CSRNP3: variants seen among roughly 807,000 people sequenced by gnomAD.
The protein encoded by CSRNP3 is cysteine and serine rich nuclear protein 3.
A neutral mutation model predicts 48.0 loss-of-function variants in CSRNP3; 12 were observed. That is an observed-to-expected ratio of 0.25 (90% CI 0.16 to 0.41). CSRNP3 has a LOEUF of 0.41. CSRNP3 is among the 10% of genes least tolerant of loss of function. The probability of loss-of-function intolerance (pLI) is 1.00; values close to 1 mark genes in which losing one functional copy is unlikely to be tolerated. For synonymous variants in CSRNP3, 263 were observed against 269.7 expected (o/e 0.98, Z 0.24); for missense variants, 580 against 724.4 (o/e 0.80, Z 2.29).
At chr2:165,552,281 C>T (rs2105260857) in intron 3 of CSRNP3, among the ~76,000 whole-genome samples, 1 of 152,302 alleles carries the variant, frequency 6.6e-6, no homozygotes, top group East Asian at 1.9e-4. Flanking sequence ...AAAATAGTCT[C>T]AAGACAGGAT....
chr2:165,518,599 T>C (rs577878795), intron 3 of CSRNP3, among the ~76,000 whole-genome samples: 1 of 152,140 alleles, frequency 6.6e-6, no homozygotes, highest in East Asian at 1.9e-4. Flanking sequence ...ACAATATTCA[T>C]TTAGAAGTTA....
intron 4 of CSRNP3, among the ~76,000 whole-genome samples, chr2:165,634,682 C>T (rs904285691): frequency 4.6e-5 from 7 of 152,032 alleles, no homozygotes; most frequent in Non-Finnish European, 4.4e-5. Flanking sequence ...TAGGAAGTAC[C>T]CAGGCCCTGT....
At chr2:165,611,909 G>A (rs1262586814) in intron 4 of CSRNP3, among the ~76,000 whole-genome samples, 4 of 151,962 alleles carry the variant, frequency 2.6e-5, no homozygotes, top group Non-Finnish European at 5.9e-5. Flanking sequence ...TTCTCCATGG[G>A]TGTAGTTAAT....
chr2:165,562,023 GT>G (rs1338767595), intron 3 of CSRNP3, among the ~76,000 whole-genome samples: 1 of 152,140 alleles, frequency 6.6e-6, no homozygotes, highest in Non-Finnish European at 1.5e-5. Context: ...ATGCCCATGA[GT>G]TGACAGAAAG....
intron 5 of CSRNP3, among the ~76,000 whole-genome samples, chr2:165,659,280 G>C (rs542064060): frequency 1.3e-4 from 20 of 152,172 alleles, no homozygotes; most frequent in Non-Finnish European, 2.4e-4. Context: ...GGGAGTCGGA[G>C]AGAGATGAAT....
chr2:165,616,164 T>C (rs980904708), intron 4 of CSRNP3, among the ~76,000 whole-genome samples: 3 of 152,194 alleles, frequency 2.0e-5, no homozygotes, highest in African/African-American at 7.2e-5. Context: ...TTAAACTGTT[T>C]ACATTTAAGG....
intron 3 of CSRNP3, among the ~76,000 whole-genome samples, chr2:165,549,458 C>G (rs1458269697): frequency 6.6e-6 from 1 of 152,018 alleles, no homozygotes; most frequent in Non-Finnish European, 1.5e-5. Context: ...GTTTCTCCAG[C>G]ATAGAAAACA....
At chr2:165,608,619 A>C (rs1234922115) in intron 4 of CSRNP3, among the ~76,000 whole-genome samples, 1 of 152,180 alleles carries the variant, frequency 6.6e-6, no homozygotes, top group African/African-American at 2.4e-5. Flanking sequence ...TTAACAGAAT[A>C]TGCAGGCATA....
rs117735460 is a variant in CSRNP3, at chr2:165,668,685, C to T, written c.409-7627C>T. ...AAAGTGCTGGGGTTACAGGTGTCAG[C>T]CACCACGCCCAGCCCATATCCTTTA... On this transcript the variant is annotated intron_variant, in intron 5 of 6. Coordinates refer to ENST00000651982, the MANE Select transcript of CSRNP3 (RefSeq NM_001172173.2). Among the ~76,000 whole-genome samples, 100 of 152,246 alleles carry T rather than the reference C, an allele frequency of 6.6e-4. 2 individuals carry two copies. The East Asian group carries it at 0.018, about 28-fold the overall frequency.
intron 4 of CSRNP3, among the ~76,000 whole-genome samples, chr2:165,652,670 C>T (rs1257599420): frequency 3.3e-5 from 5 of 151,828 alleles, no homozygotes; most frequent in Non-Finnish European, 7.4e-5. Context: ...AGCCTCCCAA[C>T]TAGCTGGGGC....
chr2:165,565,140 T>C (rs954596471), intron 3 of CSRNP3, among the ~76,000 whole-genome samples: 8 of 151,568 alleles, frequency 5.3e-5, no homozygotes, highest in Middle Eastern at 3.2e-3. Flanking sequence ...CTACAAAGAG[T>C]AGTGGTTGCT....
chr2:165,642,359 T>G (rs955631912), intron 4 of CSRNP3, among the ~76,000 whole-genome samples: 1 of 152,184 alleles, frequency 6.6e-6, no homozygotes, highest in African/African-American at 2.4e-5. Context: ...CATTAAGCAT[T>G]CCTTAGGAAA....
intron 3 of CSRNP3, among the ~76,000 whole-genome samples, chr2:165,567,941 T>C (rs1261101204): frequency 6.6e-6 from 1 of 152,110 alleles, no homozygotes; most frequent in African/African-American, 2.4e-5. Context: ...TAAAAATACC[T>C]GTGAAATTAC....
At position 165,679,244 on chromosome 2, in the gene CSRNP3, G is replaced by A. The variant is rs183252532; in HGVS notation, c.1249G>A (p.Ala417Thr). The change falls in exon 7 of 7, where the codon GCC becomes ACC. Residue 417 changes from alanine to threonine, a missense_variant. Around this residue, in one of 4 missense-constraint regions of CSRNP3, gnomAD observed 369 missense variants for 380.8 expected, o/e 0.97. Coordinates refer to ENST00000651982, the MANE Select transcript of CSRNP3 (RefSeq NM_001172173.2). ...AGTTCTTTGTTATTCTGATGGCACCGCCGTTCACGAAAGCCATGCAAAGAA... is the reference window on the plus strand; with the variant it reads ...AGTTCTTTGTTATTCTGATGGCACCACCGTTCACGAAAGCCATGCAAAGAA... Reference protein sequence around the residue: ...PSVLCYSDGTAVHESHAKNAS... With the variant: ...PSVLCYSDGTTVHESHAKNAS... 64 of 1,613,918 alleles carry A rather than the reference G, an allele frequency of 4.0e-5. 1 individual carries two copies. The Admixed American group carries it at 7.7e-4, about 19-fold the overall frequency.
intron 4 of CSRNP3, among the ~76,000 whole-genome samples, chr2:165,616,242 C>G (rs55786137): frequency 0.14 from 21,662 of 152,002 alleles, 1,850 homozygotes; most frequent in East Asian, 0.35. Context: ...TTTGTGTATA[C>G]TTGGTTCCTT....
chr2:165,525,631 G>C (rs1388176058), intron 3 of CSRNP3, among the ~76,000 whole-genome samples: 1 of 151,298 alleles, frequency 6.6e-6, no homozygotes, highest in African/African-American at 2.4e-5. Context: ...GACTACAGGC[G>C]TGTGACACCA....
At chr2:165,484,848 T>C (rs1215386611) in intron 1 of CSRNP3, among the ~76,000 whole-genome samples, 2 of 152,234 alleles carry the variant, frequency 1.3e-5, no homozygotes, top group African/African-American at 4.8e-5. Context: ...ACTACAGAAT[T>C]AGATTGGTGA....
chr2:165,584,739 G>C (rs1685600031), intron 3 of CSRNP3, among the ~76,000 whole-genome samples: 1 of 152,170 alleles, frequency 6.6e-6, no homozygotes, highest in Non-Finnish European at 1.5e-5. Context: ...ATTTCTTTTA[G>C]AAGGGCAACT....
chr2:165,483,365 A>C (rs1274747657), intron 1 of CSRNP3, among the ~76,000 whole-genome samples: 1 of 152,224 alleles, frequency 6.6e-6, no homozygotes, highest in Non-Finnish European at 1.5e-5. Context: ...TGGAGATTTT[A>C]GATTTTTACC....
Sources: allele counts gnomAD v4.1 joint callset (sites outside exome capture counted in the v4.1 genomes callset), GRCh38; gene constraint gnomAD v4.1.1; regional missense constraint gnomAD v4.1.1; transcripts MANE v1.5; gene names NCBI Gene and HGNC (gene_info 2026-07-23, HGNC 2026-07-21).